The following BSPH1 variants were observed in gnomAD, a reference collection of about 807,000 sequenced individuals.
The protein encoded by BSPH1 is binder of sperm 1.
BSPH1 carries 21 observed loss-of-function variants against 22.5 expected under a neutral mutation model. The ratio of observed to expected loss-of-function variants is 0.93; its 90% CI spans 0.66 to 1.35. The LOEUF (loss-of-function observed/expected upper bound fraction) is 1.35. Ranked by LOEUF, BSPH1 falls within the 40% of genes most tolerant of loss-of-function variation. BSPH1 has a pLI of 0.00. For missense variants in BSPH1, 141 were observed against 154.2 expected (o/e 0.91, Z 0.45); for synonymous variants, 42 against 53.6 (o/e 0.78, Z 0.95).
At chr19:47,976,913 C>T in intron 4 of BSPH1, 59 bp from the exon 5 acceptor site, 2 of 1,481,444 alleles carry the variant, frequency 1.4e-6, no homozygotes, top group Non-Finnish European at 1.8e-6. Context: ...GCACCCACCT[C>T]CACCACACCA....
intron 1 of BSPH1, 58 bp from the exon 2 acceptor site, chr19:47,980,999 G>T: frequency 1.1e-6 from 1 of 950,206 alleles, no homozygotes; most frequent in South Asian, 1.8e-5. Context: ...AGAGATGAAA[G>T]GATTTCACCA....
chr19:47,982,608 T>C (rs1463700037), intron 1 of BSPH1, among the ~76,000 whole-genome samples: 2 of 152,200 alleles, frequency 1.3e-5, no homozygotes, highest in Admixed American at 1.3e-4. Flanking sequence ...TCTGGGTATA[T>C]ATACAAAATA....
At chr19:47,974,555 C>T (rs1969343816) in intron 5 of BSPH1, among the ~76,000 whole-genome samples, 2 of 152,030 alleles carry the variant, frequency 1.3e-5, no homozygotes, top group Non-Finnish European at 2.9e-5. Flanking sequence ...CAGGCGTGAG[C>T]CACTGTGCCC....
At chr19:47,968,783 G>A (rs990401463) in intron 5 of BSPH1, among the ~76,000 whole-genome samples, 92 of 150,812 alleles carry the variant, frequency 6.1e-4, no homozygotes, top group African/African-American at 2.2e-3. Flanking sequence ...CGGATTGTCT[G>A]AGCTCAGGAG....
chr19:47,969,979 TGAGA>T (rs71181619), intron 5 of BSPH1, among the ~76,000 whole-genome samples: 65,335 of 149,470 alleles, frequency 0.44, 15,605 homozygotes, highest in Middle Eastern at 0.57. Flanking sequence ...TTTATGTTTG[TGAGA>T]GAGAGACTTT....
At chr19:47,984,980 T>A (rs1224211064) in intron 1 of BSPH1, among the ~76,000 whole-genome samples, 2 of 148,004 alleles carry the variant, frequency 1.4e-5, no homozygotes, top group Non-Finnish European at 3.0e-5. Flanking sequence ...GGCAGGAGAA[T>A]CGCTTGAACC....
intron 2 of BSPH1, chr19:47,980,477 C>CTTTA: frequency 4.9e-6 from 1 of 203,712 alleles, no homozygotes; most frequent in Non-Finnish European, 7.8e-6. Context: ...CTTCTTCTTT[C>CTTTA]TTTTTTTTTT....
At chr19:47,984,279 T>C (rs989914936) in intron 1 of BSPH1, among the ~76,000 whole-genome samples, 3 of 150,004 alleles carry the variant, frequency 2.0e-5, no homozygotes, top group Admixed American at 1.3e-4. Context: ...TAAAAATTAA[T>C]ATAGTCCTAG....
chr19:47,968,598 A>G (rs540878406), intron 5 of BSPH1, among the ~76,000 whole-genome samples: 1 of 145,346 alleles, frequency 6.9e-6, no homozygotes, highest in South Asian at 2.2e-4. Flanking sequence ...GGCTGCAGTG[A>G]GCTATGATGG....
At position 47,981,345 on chromosome 19, in the gene BSPH1, CA is replaced by C. The variant is rs1368467004; in HGVS notation, c.74-405del. 2.0e-5 allele frequency among the ~76,000 whole-genome samples: 3 copies of C among 152,076 alleles called. No homozygotes were observed. In the East Asian group the frequency reaches 5.8e-4, roughly 29 times the overall value. The stretch of plus-strand genomic sequence containing the variant: ...TAGAGATTCATGTCTTTGGAGTTGC[CA>C]CTTTCAAAATGGAAACCTCTTCCTC... On this transcript the variant is annotated intron_variant, in intron 1 of 5. Coordinates refer to ENST00000344839, the MANE Select transcript of BSPH1 (RefSeq NM_001128326.2).
chr19:47,970,654 A>T (rs1969303490), intron 5 of BSPH1, among the ~76,000 whole-genome samples: 1 of 152,162 alleles, frequency 6.6e-6, no homozygotes, highest in Non-Finnish European at 1.5e-5. Context: ...GTGGGCTGTG[A>T]TTATTTTGGT....
intron 1 of BSPH1, among the ~76,000 whole-genome samples, chr19:47,983,841 A>AATT (rs113882431): frequency 6.8e-6 from 1 of 148,008 alleles, no homozygotes; most frequent in Non-Finnish European, 1.5e-5. Context: ...TTGAAGAGAA[A>AATT]TTTTTTTTTT....
chr19:47,981,435 C>T (rs1969418620), intron 1 of BSPH1, among the ~76,000 whole-genome samples: 1 of 152,186 alleles, frequency 6.6e-6, no homozygotes, highest in South Asian at 2.1e-4. Flanking sequence ...ATGCTCTGAA[C>T]GTCTTCTCTA....
rs888757872 is a variant in BSPH1, at chr19:47,980,855, A to G, written c.94+66T>C. The G allele has an allele frequency of 2.8e-5, 24 of 872,166 alleles. 1 individual carries two copies. The highest frequency in any genetic ancestry group is 8.3e-5 in the South Asian group (5 of 60,376). 54.0% of individuals were successfully genotyped at this position (872,166 alleles called of 1,614,324 possible). ...TTCTTACCAGGAAAGGGAATACTCA[A>G]TGGTTTCACATTTTATTGCAAAAAT... On this transcript the variant is annotated intron_variant, in intron 2 of 5. Coordinates refer to ENST00000344839, the MANE Select transcript of BSPH1 (RefSeq NM_001128326.2).
At chr19:47,988,746 C>T (rs1256893054) in intron 1 of BSPH1, among the ~76,000 whole-genome samples, 3 of 151,804 alleles carry the variant, frequency 2.0e-5, no homozygotes, top group African/African-American at 7.3e-5. Context: ...GAAGCATGTC[C>T]GGGTCTACAC....
chr19:47,989,466 A>C (rs182977558), intron 1 of BSPH1, among the ~76,000 whole-genome samples: 1 of 151,852 alleles, frequency 6.6e-6, no homozygotes, highest in African/African-American at 2.4e-5. Context: ...TAAAACACCA[A>C]AATGTAGTGC....
chr19:47,973,174 G>A (rs148685538), intron 5 of BSPH1, among the ~76,000 whole-genome samples: 16,250 of 150,100 alleles, frequency 0.11, 1,109 homozygotes, highest in East Asian at 0.28. Context: ...CCGAGATCGC[G>A]CCACTGCACT....
At chr19:47,974,584 C>G (rs1488032567) in intron 5 of BSPH1, among the ~76,000 whole-genome samples, 1 of 151,464 alleles carries the variant, frequency 6.6e-6, no homozygotes, top group Non-Finnish European at 1.5e-5. Context: ...TCTTTTCTAC[C>G]CGACCCTCTC....
intron 1 of BSPH1, 56 bp downstream of exon 1, chr19:47,991,953 T>G: frequency 8.5e-7 from 1 of 1,183,416 alleles, no homozygotes; most frequent in Non-Finnish European, 1.2e-6. Flanking sequence ...GCTCTCACTC[T>G]GCTCCAAAGT....
Sources: allele counts gnomAD v4.1 joint callset (sites outside exome capture counted in the v4.1 genomes callset), GRCh38; gene constraint gnomAD v4.1.1; transcripts MANE v1.5; gene names NCBI Gene and HGNC (gene_info 2026-07-23, HGNC 2026-07-21).